The following CADM2 variants were observed in gnomAD, a reference collection of about 807,000 sequenced individuals.
CADM2 encodes the protein cell adhesion molecule 2, also known as immunoglobulin superfamily member 4D.
CADM2 carries 12 observed loss-of-function variants against 49.8 expected under a neutral mutation model. The ratio of observed to expected loss-of-function variants is 0.24; its 90% confidence interval spans 0.15 to 0.39. The LOEUF (loss-of-function observed/expected upper bound fraction) is 0.39. Ranked by LOEUF, CADM2 falls within the 10% of genes least tolerant of loss-of-function variation. CADM2 has a pLI of 1.00. For synonymous variants in CADM2, 214 were observed against 175.4 expected, an observed-to-expected ratio of 1.22 and a Z score of -1.74; for missense variants, 378 against 492.3, an observed-to-expected ratio of 0.77 and a Z score of 2.20.
At chr3:84,985,887 CA>C (rs2032524280) in intron 1 of CADM2, among the ~76,000 whole-genome samples, 1 of 152,100 alleles carries the variant, frequency 6.6e-6, no homozygotes, top group African/African-American at 2.4e-5. Flanking sequence ...TCATATTGAC[CA>C]CTTTAAATTC....
intron 1 of CADM2, among the ~76,000 whole-genome samples, chr3:85,639,071 A>G (rs2064618461): frequency 6.6e-6 from 1 of 152,220 alleles, no homozygotes; most frequent in South Asian, 2.1e-4. Context: ...GAGTAATCAA[A>G]TTAGTTTAAA....
rs940345940 is a variant in CADM2 at position 86,009,121 on chromosome 3, A to G, written c.970+47474A>G. 4.8e-5 allele frequency among the ~76,000 whole-genome samples: 7 copies of G among 145,734 alleles called. No individual in the cohort carries two copies. In the East Asian group the frequency reaches 1.4e-3, roughly 29 times the overall value. ...TGTGTGTGTGTGTATAAATATATAT[A>G]TATGTGTATATAGATATATATATAG... On this transcript the variant is annotated intron_variant, in intron 8 of 9. Transcript: ENST00000383699.
chr3:86,062,984 G>C (rs17024802), intron 8 of CADM2, among the ~76,000 whole-genome samples: 1 of 152,046 alleles, frequency 6.6e-6, no homozygotes, highest in Non-Finnish European at 1.5e-5. Flanking sequence ...TTAATCAACT[G>C]TAACAGAGAC....
At chr3:85,961,746 G>T in intron 8 of CADM2, 99 bp downstream of exon 8, 1 of 708,454 alleles carries the variant, frequency 1.4e-6, no homozygotes, top group East Asian at 3.2e-5. Context: ...AAAATTATAT[G>T]GTTTCTTTTT....
At chr3:85,810,400 A>G (rs569513182) in intron 3 of CADM2, among the ~76,000 whole-genome samples, 45 of 152,214 alleles carry the variant, frequency 3.0e-4, no homozygotes, top group Non-Finnish European at 4.3e-4. Context: ...CTACATACCC[A>G]ATTTTCAGTT....
intron 1 of CADM2, among the ~76,000 whole-genome samples, chr3:85,639,531 T>C (rs1380812832): frequency 6.6e-6 from 1 of 152,160 alleles, no homozygotes; most frequent in Admixed American, 6.5e-5. Context: ...CCAGGAGTTG[T>C]CTTACTGTTT....
intron 1 of CADM2, among the ~76,000 whole-genome samples, chr3:85,258,123 G>C (rs2042931563): frequency 6.6e-6 from 1 of 152,050 alleles, no homozygotes; most frequent in South Asian, 2.1e-4. Context: ...TGGCCCTTGT[G>C]TGAGGCAGCT....
At chr3:85,807,188 T>C (rs2108102336) in intron 3 of CADM2, among the ~76,000 whole-genome samples, 1 of 152,202 alleles carries the variant, frequency 6.6e-6, no homozygotes, top group African/African-American at 2.4e-5. Context: ...TTTCAAACTA[T>C]TGAAGATATA....
intron 2 of CADM2, among the ~76,000 whole-genome samples, chr3:85,735,257 G>A (rs186735178): frequency 5.2e-4 from 79 of 152,200 alleles, no homozygotes; most frequent in African/African-American, 1.9e-3. Context: ...CAGGAAAAGT[G>A]GACATTTGAA....
chr3:85,172,880 G>T, intron 1 of CADM2, among the ~76,000 whole-genome samples: 1 of 144,118 alleles, frequency 6.9e-6, no homozygotes, highest in African/African-American at 2.5e-5. Flanking sequence ...TATATATTAT[G>T]TATAATATAT....
At chr3:85,099,821 C>T (rs538686139) in intron 1 of CADM2, among the ~76,000 whole-genome samples, 2 of 152,120 alleles carry the variant, frequency 1.3e-5, no homozygotes, top group East Asian at 1.9e-4. Flanking sequence ...TATACACTAG[C>T]GATGGAATGG....
chr3:85,673,756 C>T (rs1464790515), intron 1 of CADM2, among the ~76,000 whole-genome samples: 2 of 152,094 alleles, frequency 1.3e-5, no homozygotes, highest in African/African-American at 4.8e-5. Context: ...AATTTTGCTA[C>T]ACCTTTTTAC....
chr3:85,495,059 G>C (rs1386774802), intron 1 of CADM2, among the ~76,000 whole-genome samples: 2 of 152,170 alleles, frequency 1.3e-5, no homozygotes, highest in Admixed American at 6.5e-5. Context: ...TATTTTTGGG[G>C]GTAGAATATA....
chr3:85,331,363 T>A (rs1316060785), intron 1 of CADM2, among the ~76,000 whole-genome samples: 1 of 151,970 alleles, frequency 6.6e-6, no homozygotes, highest in East Asian at 1.9e-4. Context: ...CACATATTAA[T>A]GAGAACATGT....
chr3:85,663,135 T>C (rs986947415), intron 1 of CADM2, among the ~76,000 whole-genome samples: 1 of 152,066 alleles, frequency 6.6e-6, no homozygotes, highest in Non-Finnish European at 1.5e-5. Flanking sequence ...AAGTACACGA[T>C]CTTGGGTAAT....
At chr3:85,853,777 T>A (rs1384099100) in intron 3 of CADM2, among the ~76,000 whole-genome samples, 1 of 151,950 alleles carries the variant, frequency 6.6e-6, no homozygotes, top group African/African-American at 2.4e-5. Flanking sequence ...AGAAGGAAAC[T>A]AAAATAATAT....
At position 85,655,971 on chromosome 3, in the gene CADM2, C is replaced by CTTT. The variant is rs10683634; in HGVS notation, c.62-70542_62-70540dup. Among the ~76,000 whole-genome samples the CTTT allele has an allele frequency of 9.4e-5, 14 of 148,326 alleles. No homozygotes were observed. In the East Asian group the frequency reaches 1.0e-3, roughly 11 times the overall value. On this transcript the variant is annotated intron_variant, in intron 1 of 9. Transcript: ENST00000383699. Reference sequence around the variant, plus strand: ...CTCCTGAATTTTGCTCCAAAAGTTCCTTTTTTTTTTTAATTCTCTTCATCA... The same window carrying CTTT: ...CTCCTGAATTTTGCTCCAAAAGTTCCTTTTTTTTTTTTTTAATTCTCTTCATCA...
chr3:85,100,993 C>A (rs190489625), intron 1 of CADM2, among the ~76,000 whole-genome samples: 7 of 152,232 alleles, frequency 4.6e-5, no homozygotes, highest in Admixed American at 3.3e-4. Context: ...TGGTGGCTCA[C>A]GACTGTAATC....
chr3:85,568,421 T>TCTC (rs2062345100), intron 1 of CADM2, among the ~76,000 whole-genome samples: 2 of 29,006 alleles, frequency 6.9e-5, no homozygotes, highest in East Asian at 9.4e-3. Flanking sequence ...CTTTCTTTCT[T>TCTC]TCTTTCTTTC....
Sources: allele counts gnomAD v4.1 joint callset (sites outside exome capture counted in the v4.1 genomes callset), GRCh38; gene constraint gnomAD v4.1.1; transcripts MANE v1.5; gene names NCBI Gene and HGNC (gene_info 2026-07-23, HGNC 2026-07-21).